CD247: variants seen among roughly 807,000 people sequenced by gnomAD.
The protein encoded by CD247 is CD247 molecule.
In CD247, 13 loss-of-function variants were observed where a neutral mutation model predicts 30.0. The observed-to-expected ratio is 0.43, with a 90% CI of 0.28 to 0.69. The LOEUF is 0.69. Ranked by LOEUF, CD247 falls within the 30% of genes least tolerant of loss-of-function variation. CD247 has a pLI of 0.16. For synonymous variants in CD247, 72 were observed against 80.0 expected (o/e 0.90, Z 0.53); for missense variants, 193 against 212.6 (o/e 0.91, Z 0.57).
chr1:167,434,273 A>C, intron 5 of CD247, 197 bp from the exon 6 acceptor site: 1 of 625,778 alleles, frequency 1.6e-6, no homozygotes, highest in Non-Finnish European at 2.9e-6. Context: ...CCTCATCCTC[A>C]GCCCTTTGGA....
chr1:167,486,271 C>G (rs77482501), intron 1 of CD247, among the ~76,000 whole-genome samples: 1,624 of 152,286 alleles, frequency 0.011, 25 homozygotes, highest in African/African-American at 0.038. Context: ...AGGACCTGCC[C>G]GAATCACCAC....
intron 1 of CD247, among the ~76,000 whole-genome samples, chr1:167,511,229 C>T (rs781523074): frequency 6.6e-6 from 1 of 152,180 alleles, no homozygotes; most frequent in Non-Finnish European, 1.5e-5. Flanking sequence ...GAATCTCATA[C>T]ACATAAAACC....
chr1:167,515,572 C>T (rs1655569216), intron 1 of CD247, among the ~76,000 whole-genome samples: 1 of 152,194 alleles, frequency 6.6e-6, no homozygotes, highest in Non-Finnish European at 1.5e-5. Flanking sequence ...AGAATATTCC[C>T]CTACAGAGTA....
At chr1:167,493,972 A>G (rs563804548) in intron 1 of CD247, among the ~76,000 whole-genome samples, 65 of 152,324 alleles carry the variant, frequency 4.3e-4, no homozygotes, top group African/African-American at 1.5e-3. Context: ...ACCATTGCAG[A>G]ATCTGTTGTG....
At chr1:167,445,757 T>C (rs1652048296) in intron 1 of CD247, among the ~76,000 whole-genome samples, 1 of 152,184 alleles carries the variant, frequency 6.6e-6, no homozygotes, top group African/African-American at 2.4e-5. Context: ...TTAATCAACC[T>C]GGTCCTGCCA....
chr1:167,493,258 G>A (rs548627886), intron 1 of CD247, among the ~76,000 whole-genome samples: 4 of 152,010 alleles, frequency 2.6e-5, no homozygotes, highest in African/African-American at 9.7e-5. Flanking sequence ...ACCCAGGCTG[G>A]TCTCGAACTC....
chr1:167,506,242 TTTCC>T (rs1315624707), intron 1 of CD247, among the ~76,000 whole-genome samples: 1 of 27,314 alleles, frequency 3.7e-5, no homozygotes, highest in Non-Finnish European at 6.9e-5. Context: ...TTTCTTTTCT[TTTCC>T]TTTTCTTTTC....
chr1:167,511,230 A>G (rs895474331), intron 1 of CD247, among the ~76,000 whole-genome samples: 1 of 152,170 alleles, frequency 6.6e-6, no homozygotes, highest in Non-Finnish European at 1.5e-5. Context: ...AATCTCATAC[A>G]CATAAAACCT....
chr1:167,487,971 T>C (rs1010104676), intron 1 of CD247, among the ~76,000 whole-genome samples: 2 of 152,186 alleles, frequency 1.3e-5, no homozygotes, highest in African/African-American at 4.8e-5. Flanking sequence ...ACTCATGGCC[T>C]CAAGCAGTCT....
intron 1 of CD247, among the ~76,000 whole-genome samples, chr1:167,507,648 CAA>C (rs542972572): frequency 8.5e-5 from 13 of 152,066 alleles, no homozygotes; most frequent in Middle Eastern, 3.4e-3. Context: ...CCAGCCAGGG[CAA>C]CGTAGTGAGA....
At chr1:167,467,832 A>C (rs971375704) in intron 1 of CD247, among the ~76,000 whole-genome samples, 2 of 152,128 alleles carry the variant, frequency 1.3e-5, no homozygotes, top group African/African-American at 2.4e-5. Context: ...TCTGTGGGCT[A>C]TTTCCCATCA....
At chr1:167,512,755 G>A (rs778390194) in intron 1 of CD247, among the ~76,000 whole-genome samples, 1 of 152,162 alleles carries the variant, frequency 6.6e-6, no homozygotes, top group African/African-American at 2.4e-5. Flanking sequence ...AGTCCCCTGC[G>A]TGAAGAGGCA....
chr1:167,507,921 G>T (rs1655214147), intron 1 of CD247, among the ~76,000 whole-genome samples: 2 of 152,140 alleles, frequency 1.3e-5, no homozygotes, highest in Non-Finnish European at 2.9e-5. Flanking sequence ...TGGCTGACAG[G>T]AATTTTCTGA....
chr1:167,454,414 T>C (rs996876029), intron 1 of CD247, among the ~76,000 whole-genome samples: 1 of 152,176 alleles, frequency 6.6e-6, no homozygotes, highest in Non-Finnish European at 1.5e-5. Flanking sequence ...ACAAATAACA[T>C]GAACCCTTAC....
At chr1:167,436,464 C>T (rs545314937) in intron 4 of CD247, among the ~76,000 whole-genome samples, 56 of 152,238 alleles carry the variant, frequency 3.7e-4, no homozygotes, top group African/African-American at 1.3e-3. Context: ...AACATAGGTC[C>T]CAGCCGAGCA....
intron 1 of CD247, among the ~76,000 whole-genome samples, chr1:167,486,511 C>T (rs950806167): frequency 1.3e-5 from 2 of 152,214 alleles, no homozygotes; most frequent in Admixed American, 1.3e-4. Flanking sequence ...GCACTAAAGC[C>T]CAGATGACCT....
chr1:167,458,003 A>G (rs1045736388), intron 1 of CD247, among the ~76,000 whole-genome samples: 1 of 152,202 alleles, frequency 6.6e-6, no homozygotes, highest in African/African-American at 2.4e-5. Context: ...TCAAGAACCT[A>G]TGAGTTCGAA....
chr1:167,502,850 TG>T (rs1371583265), intron 1 of CD247, among the ~76,000 whole-genome samples: 1 of 152,064 alleles, frequency 6.6e-6, no homozygotes, highest in African/African-American at 2.4e-5. Flanking sequence ...CACCAGAAGC[TG>T]GGGAGAGGCT....
intron 4 of CD247, among the ~76,000 whole-genome samples, chr1:167,438,236 C>T (rs1242956331): frequency 6.6e-6 from 1 of 152,222 alleles, no homozygotes; most frequent in Non-Finnish European, 1.5e-5. Flanking sequence ...CCTGTATGGA[C>T]CTCTTCACCA....
Sources: allele counts gnomAD v4.1 joint callset (sites outside exome capture counted in the v4.1 genomes callset), GRCh38; gene constraint gnomAD v4.1.1; transcripts MANE v1.5; gene names NCBI Gene and HGNC (gene_info 2026-07-23, HGNC 2026-07-21).